The following KCNIP4 variants were observed in gnomAD, a reference collection of about 807,000 sequenced individuals.
KCNIP4 encodes the protein potassium voltage-gated channel interacting protein 4, also known as Kv channel-interacting protein 4.
In KCNIP4, 12 loss-of-function variants were observed where a neutral mutation model predicts 34.0. The observed-to-expected ratio is 0.35, with a 90% CI of 0.23 to 0.57. The LOEUF is 0.57. Ranked by LOEUF, KCNIP4 falls within the 20% of genes least tolerant of loss-of-function variation. The probability of loss-of-function intolerance (pLI) is 0.83; values close to 1 mark genes in which losing one functional copy is unlikely to be tolerated. For synonymous variants in KCNIP4, 124 were observed against 102.2 expected (o/e 1.21, Z -1.29); for missense variants, 238 against 311.7 (o/e 0.76, Z 1.78).
intron 1 of KCNIP4, chr4:21,850,616 T>C (rs1455552959): frequency 6.6e-6 from 1 of 152,096 alleles, no homozygotes; most frequent in African/African-American, 2.4e-5. Context: ...CTTTATAAAC[T>C]GCCCAGTTTC....
At position 21,350,999 on chromosome 4, in the gene KCNIP4, G is replaced by T. The variant is rs183478703; in HGVS notation, c.62-468290C>A. Among the ~76,000 whole-genome samples, 41 of 152,114 alleles carry T rather than the reference G, an allele frequency of 2.7e-4. 1 individual carries two copies. In the East Asian group the frequency reaches 7.9e-3, roughly 29 times the overall value. On this transcript the variant is annotated intron_variant, in intron 1 of 8. Coordinates refer to ENST00000382152, the MANE Select transcript of KCNIP4 (RefSeq NM_025221.6). Reference sequence around the variant, plus strand: ...CATTATGCTTTATGGGTGATTTAAAGGATTTTCAAATATTATTTTGACTAC... The same window carrying T: ...CATTATGCTTTATGGGTGATTTAAATGATTTTCAAATATTATTTTGACTAC...
intron 1 of KCNIP4, among the ~76,000 whole-genome samples, chr4:21,767,919 C>G (rs1406839153): frequency 6.6e-6 from 1 of 151,970 alleles, no homozygotes; most frequent in Non-Finnish European, 1.5e-5. Context: ...GATAAAATGT[C>G]AATTAAGAAA....
intron 3 of KCNIP4, among the ~76,000 whole-genome samples, chr4:20,844,050 T>G (rs1384907419): frequency 6.6e-6 from 1 of 152,240 alleles, no homozygotes; most frequent in Non-Finnish European, 1.5e-5. Context: ...AGATATTAAG[T>G]AAAACATTTC....
rs908803121 is a variant in KCNIP4 at position 21,002,022 on chromosome 4, G to A, written c.62-119313C>T. Among the ~76,000 whole-genome samples, 4 of 152,196 alleles carry A rather than the reference G, an allele frequency of 2.6e-5. 1 individual carries two copies. The highest frequency in any genetic ancestry group is 7.2e-5 in the African/African-American group (3 of 41,454). On this transcript the variant is annotated intron_variant, in intron 1 of 8. Transcript: ENST00000382152. ...AAGGCCAACATTGTTTCTAGGAAAT[G>A]TGAGCTGGGAGCTTTAAACTGCAGA...
chr4:21,944,052 G>T (rs1320322575), intron 1 of KCNIP4, among the ~76,000 whole-genome samples: 1 of 151,620 alleles, frequency 6.6e-6, no homozygotes, highest in Admixed American at 6.6e-5. Context: ...TGACTTTAAG[G>T]TGCTGGTAAA....
At chr4:21,849,572 GATC>G (rs1724240929) in intron 1 of KCNIP4, 1 of 151,908 alleles carries the variant, frequency 6.6e-6, no homozygotes, top group Admixed American at 6.6e-5. Context: ...CCAAAATATT[GATC>G]ATCATGTTTT....
intron 1 of KCNIP4, among the ~76,000 whole-genome samples, chr4:20,980,728 G>A (rs946363580): frequency 3.3e-5 from 5 of 151,754 alleles, no homozygotes; most frequent in Non-Finnish European, 7.4e-5. Flanking sequence ...ACTGCTTCCT[G>A]AGGACAACAT....
At chr4:20,917,555 C>T (rs1039628601) in intron 1 of KCNIP4, among the ~76,000 whole-genome samples, 3 of 152,094 alleles carry the variant, frequency 2.0e-5, no homozygotes, top group Non-Finnish European at 4.4e-5. Context: ...ATTCCATAAC[C>T]TCAAATGAGA....
chr4:21,070,663 A>ATTTTTTTTTTTTTTTTT (rs1203011253), intron 1 of KCNIP4, among the ~76,000 whole-genome samples: 3 of 49,572 alleles, frequency 6.1e-5, no homozygotes, highest in African/African-American at 1.7e-4. Flanking sequence ...GAGTTTTGAG[A>ATTTTTTTTTTTTTTTTT]TTTTTTTTTT....
At chr4:21,795,555 G>C (rs1720569222) in intron 1 of KCNIP4, among the ~76,000 whole-genome samples, 1 of 152,120 alleles carries the variant, frequency 6.6e-6, no homozygotes, top group African/African-American at 2.4e-5. Context: ...GTCTAAGTAA[G>C]TGAAAATTCT....
chr4:21,579,654 A>G (rs140095883), intron 1 of KCNIP4, among the ~76,000 whole-genome samples: 112 of 152,128 alleles, frequency 7.4e-4, no homozygotes, highest in Non-Finnish European at 1.3e-3. Flanking sequence ...TTTATTGCTG[A>G]AAACCCTTGT....
intron 3 of KCNIP4, among the ~76,000 whole-genome samples, chr4:20,795,093 T>C (rs1713277212): frequency 6.6e-6 from 1 of 152,104 alleles, no homozygotes; most frequent in East Asian, 1.9e-4. Context: ...CAAGTTATGA[T>C]AAACAGCATG....
intron 1 of KCNIP4, among the ~76,000 whole-genome samples, chr4:21,739,167 A>G (rs1190938758): frequency 1.3e-5 from 2 of 152,080 alleles, no homozygotes; most frequent in African/African-American, 4.8e-5. Context: ...TAAAAGATTG[A>G]ATCTCCGAAT....
At chr4:21,311,394 T>C (rs1713150435) in intron 1 of KCNIP4, among the ~76,000 whole-genome samples, 1 of 152,090 alleles carries the variant, frequency 6.6e-6, no homozygotes, top group African/African-American at 2.4e-5. Flanking sequence ...AATGGCTTGG[T>C]TTTTAAATTG....
chr4:21,453,328 G>A (rs747489276), intron 1 of KCNIP4, among the ~76,000 whole-genome samples: 1 of 152,056 alleles, frequency 6.6e-6, no homozygotes, highest in Non-Finnish European at 1.5e-5. Context: ...TATGAAAGAG[G>A]TAGAAGGTCT....
At chr4:21,634,353 T>G (rs1052895751) in intron 1 of KCNIP4, among the ~76,000 whole-genome samples, 1 of 152,106 alleles carries the variant, frequency 6.6e-6, no homozygotes, top group Non-Finnish European at 1.5e-5. Flanking sequence ...GCATGGCTTT[T>G]TTTAACTTTC....
chr4:21,847,748 A>G (rs1724113597), intron 1 of KCNIP4: 1 of 152,082 alleles, frequency 6.6e-6, no homozygotes, highest in Non-Finnish European at 1.5e-5. Flanking sequence ...TCCCTTACAC[A>G]AAATATTTCA....
intron 1 of KCNIP4, among the ~76,000 whole-genome samples, chr4:21,205,676 G>A (rs376572107): frequency 1.3e-5 from 2 of 152,186 alleles, no homozygotes; most frequent in East Asian, 1.9e-4. Flanking sequence ...ATGAGTAGAT[G>A]CAGTCTTATC....
At chr4:20,807,706 G>T (rs1715259077) in intron 3 of KCNIP4, among the ~76,000 whole-genome samples, 1 of 151,966 alleles carries the variant, frequency 6.6e-6, no homozygotes, top group Admixed American at 6.6e-5. Flanking sequence ...CAGAAAGCAG[G>T]GAAGAAAACA....
Sources: allele counts gnomAD v4.1 joint callset (sites outside exome capture counted in the v4.1 genomes callset), GRCh38; gene constraint gnomAD v4.1.1; transcripts MANE v1.5; gene names NCBI Gene and HGNC (gene_info 2026-07-23, HGNC 2026-07-21).